SUGCT: variants seen among roughly 807,000 people sequenced by gnomAD.
SUGCT encodes succinyl-CoA:glutarate-CoA transferase, also known as succinyl-CoA:glutarate CoA-transferase.
A neutral mutation model predicts 55.0 loss-of-function variants in SUGCT; 41 were observed. The ratio of observed to expected loss-of-function variants is 0.74; its 90% CI spans 0.58 to 0.97. The LOEUF (loss-of-function observed/expected upper bound fraction) is 0.97, where lower values mean the gene tolerates loss of function less well. SUGCT is among the 50% of genes least tolerant of loss of function. The pLI is 0.00. For synonymous variants in SUGCT, 187 were observed against 200.4 expected, an observed-to-expected ratio of 0.93 and a Z score of 0.56; for missense variants, 568 against 547.8, an observed-to-expected ratio of 1.04 and a Z score of -0.37.
At chr7:40,953,790 G>A in the SUGCT span, among the ~76,000 whole-genome samples, 1 of 152,204 alleles carries the variant, frequency 6.6e-6, no homozygotes, top group Admixed American at 6.5e-5. Context: ...AGCAAATGTT[G>A]CTGCCTGATC....
intron 9 of SUGCT, among the ~76,000 whole-genome samples, chr7:40,390,334 G>A (rs1162507354): frequency 1.3e-5 from 2 of 152,144 alleles, no homozygotes; most frequent in Non-Finnish European, 2.9e-5. Context: ...AGGAAAAGAG[G>A]AAGTCAAATT....
At chr7:40,609,133 C>T (rs1406316981) in intron 12 of SUGCT, among the ~76,000 whole-genome samples, 1 of 152,078 alleles carries the variant, frequency 6.6e-6, no homozygotes, top group Non-Finnish European at 1.5e-5. Flanking sequence ...CATTATTTAA[C>T]CTCTTTGAGC....
intron 13 of SUGCT, among the ~76,000 whole-genome samples, chr7:40,805,005 T>A (rs574712501): frequency 6.6e-6 from 1 of 152,200 alleles, no homozygotes; most frequent in East Asian, 1.9e-4. Flanking sequence ...GTACTTATTC[T>A]GGATCTGTTT....
chr7:40,627,982 G>T (rs1799602431), intron 12 of SUGCT, among the ~76,000 whole-genome samples: 1 of 152,116 alleles, frequency 6.6e-6, no homozygotes, highest in Non-Finnish European at 1.5e-5. Flanking sequence ...TGGACTTCGG[G>T]TTTCATGTTA....
At chr7:40,264,534 G>A (rs1791431395) in intron 7 of SUGCT, among the ~76,000 whole-genome samples, 1 of 152,198 alleles carries the variant, frequency 6.6e-6, no homozygotes, top group Non-Finnish European at 1.5e-5. Context: ...GAGGACTCAT[G>A]TTCTGTGTGC....
chr7:40,884,770 T>A, the SUGCT span, among the ~76,000 whole-genome samples: 1 of 152,128 alleles, frequency 6.6e-6, no homozygotes, highest in African/African-American at 2.4e-5. Flanking sequence ...AGTCACAAAG[T>A]ATGAATGAGC....
At chr7:40,173,751 G>A (rs1784790681) in intron 1 of SUGCT, among the ~76,000 whole-genome samples, 5 of 151,826 alleles carry the variant, frequency 3.3e-5, no homozygotes, top group African/African-American at 1.2e-4. Flanking sequence ...AATCCAGCTA[G>A]TCCTGTCTCT....
intron 12 of SUGCT, among the ~76,000 whole-genome samples, chr7:40,702,202 G>A (rs1785197935): frequency 6.6e-6 from 1 of 152,228 alleles, no homozygotes; most frequent in Non-Finnish European, 1.5e-5. Flanking sequence ...TAGAGAGATA[G>A]TTACCAATGA....
intron 8 of SUGCT, among the ~76,000 whole-genome samples, chr7:40,298,401 G>A (rs952696378): frequency 2.6e-5 from 4 of 152,168 alleles, no homozygotes; most frequent in Non-Finnish European, 5.9e-5. Context: ...GATGGGAACT[G>A]TTTTAGGAAC....
At chr7:40,893,789 G>A in the SUGCT span, among the ~76,000 whole-genome samples, 1 of 152,114 alleles carries the variant, frequency 6.6e-6, no homozygotes, top group East Asian at 1.9e-4. Flanking sequence ...GGCTGGGCAT[G>A]GTGGCTTACA....
At chr7:40,964,639 T>A in the SUGCT span, 1 of 152,198 alleles carries the variant, frequency 6.6e-6, no homozygotes, top group Admixed American at 6.5e-5. Context: ...ATGGGAATGA[T>A]CCCAGCTAAA....
intron 13 of SUGCT, among the ~76,000 whole-genome samples, chr7:40,808,753 T>C (rs1049045790): frequency 6.6e-6 from 1 of 152,244 alleles, no homozygotes; most frequent in African/African-American, 2.4e-5. Context: ...CCCATGAATG[T>C]AATTGTTGTC....
At chr7:40,898,147 C>T in the SUGCT span, among the ~76,000 whole-genome samples, 1 of 150,856 alleles carries the variant, frequency 6.6e-6, no homozygotes, top group African/African-American at 2.5e-5. Context: ...ACCACCAGCT[C>T]ACCAGTAGTG....
At chr7:40,215,672 C>A (rs968984195) in intron 6 of SUGCT, among the ~76,000 whole-genome samples, 3 of 152,098 alleles carry the variant, frequency 2.0e-5, no homozygotes, top group African/African-American at 7.2e-5. Context: ...ACCATCCTGG[C>A]TAACACGGTG....
intron 13 of SUGCT, among the ~76,000 whole-genome samples, chr7:40,767,838 A>G (rs1280847223): frequency 6.6e-6 from 1 of 152,220 alleles, no homozygotes; most frequent in East Asian, 1.9e-4. Context: ...GACATTTAAG[A>G]AAGAAAAAGC....
chr7:40,620,046 A>G (rs569583668), intron 12 of SUGCT, among the ~76,000 whole-genome samples: 5 of 152,340 alleles, frequency 3.3e-5, no homozygotes, highest in Admixed American at 2.6e-4. Context: ...TCCAATTTCC[A>G]TACTCATACT....
the SUGCT span, among the ~76,000 whole-genome samples, chr7:40,972,279 G>A: frequency 0.016 from 2,440 of 152,226 alleles, 68 homozygotes; most frequent in African/African-American, 0.055. Flanking sequence ...GACAGTTAAT[G>A]TCCTTGTTTT....
intron 12 of SUGCT, chr7:40,539,652 G>T (rs752086637): frequency 2.0e-5 from 3 of 152,146 alleles, no homozygotes; most frequent in Non-Finnish European, 4.4e-5. Context: ...CTCTTCTTTG[G>T]ACTCCAATGT....
chr7:40,731,633 C>A (rs1312329709), intron 12 of SUGCT, among the ~76,000 whole-genome samples: 1 of 152,022 alleles, frequency 6.6e-6, no homozygotes, highest in African/African-American at 2.4e-5. Flanking sequence ...CACCAACCTG[C>A]GCCTGAGTTC....
Sources: gnomAD v4.1 joint callset for allele counts (sites outside exome capture counted in the v4.1 genomes callset) on GRCh38, gnomAD v4.1.1 for gene constraint, MANE v1.5 for transcripts, NCBI Gene and HGNC (gene_info 2026-07-23, HGNC 2026-07-21) for gene names.